The following CACNA2D1 variants were observed in gnomAD, a reference collection of about 807,000 sequenced individuals.
CACNA2D1 encodes the protein calcium voltage-gated channel auxiliary subunit alpha2delta 1.
CACNA2D1 carries 53 observed loss-of-function variants against 171.5 expected under a neutral mutation model. The ratio of observed to expected loss-of-function variants is 0.31; its 90% CI spans 0.25 to 0.39. The LOEUF (loss-of-function observed/expected upper bound fraction) is 0.39. CACNA2D1 is among the 10% of genes least tolerant of loss of function. The probability of loss-of-function intolerance (pLI) is 1.00; values close to 1 mark genes in which losing one functional copy is unlikely to be tolerated. For synonymous variants in CACNA2D1, 442 were observed against 443.1 expected (o/e 1.00, Z 0.03); for missense variants, 903 against 1,299.8 (o/e 0.69, Z 4.69).
At chr7:81,973,591 GGAGAA>G (rs536531574) in intron 25 of CACNA2D1, among the ~76,000 whole-genome samples, 92 of 151,720 alleles carry the variant, frequency 6.1e-4, no homozygotes, top group Non-Finnish European at 1.2e-3. Flanking sequence ...AGGGAGGGAG[GGAGAA>G]GAGAACAAAG....
At chr7:81,953,049 C>G (rs73375712) in intron 38 of CACNA2D1, among the ~76,000 whole-genome samples, 2,779 of 152,126 alleles carry the variant, frequency 0.018, 87 homozygotes, top group African/African-American at 0.064. Context: ...ACCACCACAC[C>G]TGTCTAATTT....
intron 3 of CACNA2D1, among the ~76,000 whole-genome samples, chr7:82,171,841 T>A (rs1024890765): frequency 3.3e-5 from 5 of 152,062 alleles, no homozygotes; most frequent in African/African-American, 1.2e-4. Context: ...AAATTACAAA[T>A]CTCAGAGTCA....
intron 30 of CACNA2D1, 114 bp from the exon 31 acceptor site, chr7:81,967,321 T>G: frequency 1.1e-6 from 1 of 903,932 alleles, no homozygotes; most frequent in Non-Finnish European, 1.8e-6. Context: ...AAAAATAAGA[T>G]TAAACAGTCT....
At chr7:82,266,219 T>C (rs1471660064) in intron 3 of CACNA2D1, among the ~76,000 whole-genome samples, 1 of 152,194 alleles carries the variant, frequency 6.6e-6, no homozygotes, top group East Asian at 1.9e-4. Context: ...TCTTTGTCTA[T>C]GTGAAATCTA....
intron 24 of CACNA2D1, among the ~76,000 whole-genome samples, chr7:81,977,493 A>C (rs1033671588): frequency 6.6e-6 from 1 of 152,086 alleles, no homozygotes; most frequent in Non-Finnish European, 1.5e-5. Context: ...AATAGGGAAA[A>C]GATTCCCTAT....
chr7:82,256,699 C>A (rs1480446373), intron 3 of CACNA2D1, among the ~76,000 whole-genome samples: 1 of 151,992 alleles, frequency 6.6e-6, no homozygotes, highest in African/African-American at 2.4e-5. Context: ...ATGTGACTTA[C>A]AAATTAAAGC....
intron 4 of CACNA2D1, among the ~76,000 whole-genome samples, chr7:82,155,633 A>G (rs1316371530): frequency 6.6e-6 from 1 of 152,188 alleles, no homozygotes; most frequent in Non-Finnish European, 1.5e-5. Context: ...TTTTGCTATT[A>G]GCAAACAGAA....
At chr7:82,132,377 A>G (rs377168461) in intron 5 of CACNA2D1, among the ~76,000 whole-genome samples, 18 of 152,304 alleles carry the variant, frequency 1.2e-4, no homozygotes, top group African/African-American at 3.8e-4. Flanking sequence ...GTAACTCTAC[A>G]TGTTAGTTGG....
In CACNA2D1 at chr7:82,332,564, A is replaced by ACG. The variant is rs1554514972; in HGVS notation, c.294+2570_294+2571insCG. The stretch of plus-strand genomic sequence containing the variant: ...AAAGAAAGAAAGAAAGAAAGAAAGA[A>ACG]AGAACGAACAGAAAATTTTTGAGGG... On this transcript the variant is annotated intron_variant, in intron 3 of 38. Coordinates refer to ENST00000356860, the MANE Select transcript of CACNA2D1 (RefSeq NM_000722.4). Among the ~76,000 whole-genome samples, 780 of 144,148 alleles carry ACG rather than the reference A, an allele frequency of 5.4e-3. 8 individuals are homozygous for ACG. The highest frequency in any genetic ancestry group is 0.014 in the Middle Eastern group (4 of 284). 94.6% of individuals were successfully genotyped at this position (144,148 alleles called of 152,430 possible). A position where few individuals can be genotyped will look rare whatever the true frequency, so the allele number is the denominator to read the frequency against.
chr7:82,266,473 G>A (rs1807865835), intron 3 of CACNA2D1, among the ~76,000 whole-genome samples: 1 of 152,124 alleles, frequency 6.6e-6, no homozygotes, highest in African/African-American at 2.4e-5. Flanking sequence ...CCTAAATGCA[G>A]TAGGTCAGTG....
At chr7:82,257,359 G>A (rs1238130273) in intron 3 of CACNA2D1, among the ~76,000 whole-genome samples, 1 of 152,120 alleles carries the variant, frequency 6.6e-6, no homozygotes, top group Non-Finnish European at 1.5e-5. Context: ...CATTACCCCT[G>A]TCTTGACACT....
At chr7:82,371,924 T>C (rs754873410) in intron 1 of CACNA2D1, among the ~76,000 whole-genome samples, 4 of 152,136 alleles carry the variant, frequency 2.6e-5, no homozygotes, top group Non-Finnish European at 2.9e-5. Flanking sequence ...GCTCTTGATA[T>C]AAAACTCTAC....
chr7:82,008,301 G>T (rs571030623), intron 15 of CACNA2D1, among the ~76,000 whole-genome samples: 21 of 152,144 alleles, frequency 1.4e-4, no homozygotes, highest in East Asian at 5.8e-4. Context: ...CTAAGTAAAT[G>T]TTACGCTCTT....
At chr7:82,334,807 T>C (rs1817788807) in intron 3 of CACNA2D1, among the ~76,000 whole-genome samples, 1 of 152,134 alleles carries the variant, frequency 6.6e-6, no homozygotes, top group African/African-American at 2.4e-5. Context: ...TGTGTAAACA[T>C]GTTCAATTAT....
intron 3 of CACNA2D1, among the ~76,000 whole-genome samples, chr7:82,183,597 A>G (rs2129173139): frequency 6.6e-6 from 1 of 152,294 alleles, no homozygotes; most frequent in South Asian, 2.1e-4. Context: ...AGAAATACCC[A>G]TTTCACAGAA....
chr7:82,045,545 C>T (rs1804457757), intron 10 of CACNA2D1, among the ~76,000 whole-genome samples: 1 of 152,068 alleles, frequency 6.6e-6, no homozygotes, highest in Non-Finnish European at 1.5e-5. Context: ...CAAAATTAGG[C>T]AATTTGTTTT....
At chr7:82,419,238 A>C (rs1828481450) in intron 1 of CACNA2D1, among the ~76,000 whole-genome samples, 1 of 152,216 alleles carries the variant, frequency 6.6e-6, no homozygotes, top group African/African-American at 2.4e-5. Flanking sequence ...AAAGCCAAGC[A>C]CTTTCAGCCA....
chr7:82,082,023 C>A (rs921867850), intron 7 of CACNA2D1, among the ~76,000 whole-genome samples: 1 of 152,166 alleles, frequency 6.6e-6, no homozygotes, highest in African/African-American at 2.4e-5. Flanking sequence ...GGCAGGGGTG[C>A]CCCTGACCCT....
chr7:82,081,400 T>G (rs1414476790), intron 7 of CACNA2D1, among the ~76,000 whole-genome samples: 1 of 152,188 alleles, frequency 6.6e-6, no homozygotes, highest in East Asian at 1.9e-4. Context: ...GTTATGACAT[T>G]GTCTCAATGT....
Sources: gnomAD v4.1 joint callset for allele counts (sites outside exome capture counted in the v4.1 genomes callset) on GRCh38, gnomAD v4.1.1 for gene constraint, MANE v1.5 for transcripts, NCBI Gene and HGNC (gene_info 2026-07-23, HGNC 2026-07-21) for gene names.